ZMYND8: variants seen among roughly 807,000 people sequenced by gnomAD.
ZMYND8 encodes zinc finger MYND-type containing 8, also known as MYND-type zinc finger-containing chromatin reader ZMYND8.
ZMYND8 carries 37 observed loss-of-function variants against 140.8 expected under a neutral mutation model. The ratio of observed to expected loss-of-function variants is 0.26; its 90% CI spans 0.20 to 0.35. The LOEUF is 0.35. ZMYND8 is among the 10% of genes least tolerant of loss of function. The probability of loss-of-function intolerance (pLI) is 1.00; values close to 1 mark genes in which losing one functional copy is unlikely to be tolerated. For missense variants in ZMYND8, 1,068 were observed against 1,570.0 expected, an observed-to-expected ratio of 0.68 and a Z score of 5.40; for synonymous variants, 592 against 597.1, an observed-to-expected ratio of 0.99 and a Z score of 0.12.
At chr20:47,236,742 G>A (rs1300676885) in intron 15 of ZMYND8, among the ~76,000 whole-genome samples, 1 of 152,092 alleles carries the variant, frequency 6.6e-6, no homozygotes, top group Non-Finnish European at 1.5e-5. Flanking sequence ...GCTCAAGAGT[G>A]CATGCTAGGA....
At chr20:47,250,194 C>T (rs556872287) in intron 12 of ZMYND8, among the ~76,000 whole-genome samples, 117 of 152,284 alleles carry the variant, frequency 7.7e-4, no homozygotes, top group African/African-American at 2.7e-3. Context: ...CTCACTTCTT[C>T]GAGGGCTCTT....
At chr20:47,225,424 G>A (rs1485489453) in intron 18 of ZMYND8, among the ~76,000 whole-genome samples, 8 of 150,820 alleles carry the variant, frequency 5.3e-5, no homozygotes, top group Non-Finnish European at 8.8e-5. Context: ...AGCTAGGCGC[G>A]ATGGTGTAAT....
In ZMYND8 at chr20:47,221,513, A is replaced by G. The variant is rs754664095; in HGVS notation, c.3257-39T>C. On this transcript the variant is annotated intron_variant, in intron 19 of 22. Transcript: ENST00000471951. Reference sequence around the variant, plus strand: ...AGAGAGAGAGACGCCACATATACACAGAGTACGATGATTTTGAAACATGCA... The same window carrying G: ...AGAGAGAGAGACGCCACATATACACGGAGTACGATGATTTTGAAACATGCA... 1.9e-6 allele frequency: 3 copies of G among 1,601,764 alleles called. No individual in the cohort carries two copies. The South Asian group carries it at 3.3e-5, about 18-fold the overall frequency.
chr20:47,309,016 C>T (rs1569161116), intron 3 of ZMYND8, among the ~76,000 whole-genome samples: 1 of 152,156 alleles, frequency 6.6e-6, no homozygotes, highest in African/African-American at 2.4e-5. Context: ...CTATGAGATC[C>T]GACCTCATAG....
At position 47,221,321 on chromosome 20, in the gene ZMYND8, C is replaced by A. The variant is rs745460422; in HGVS notation, c.3410G>T (p.Ser1137Ile). ...KETSAEKSKE[S>I]GSTLDLSGSR... ...GCATGGGGGGATCCTCACCGAGCCA[C>A]TCTCCTTGCTTTTCTCAGCTGACGT... The change falls in exon 20 of 23, where the codon AGT (serine) becomes ATT (isoleucine). Residue 1137 changes from serine to isoleucine, a missense_variant. By Grantham distance (142) the Ser-to-Ile change is moderately radical. Around this residue, in one of 10 missense-constraint regions of ZMYND8, gnomAD observed 180 missense variants for 187.8 expected, o/e 0.96. Coordinates refer to ENST00000471951, the MANE Select transcript of ZMYND8 (RefSeq NM_001281775.3). 6.2e-7 allele frequency: 1 copy of A among 1,614,126 alleles called. No individual in the cohort carries two copies. Among genetic ancestry groups the A allele is most frequent in the Non-Finnish European group, 8.5e-7 (1 of 1,180,034 alleles).
rs75896049 is a variant in ZMYND8, at chr20:47,310,424, T to C, written c.86-220A>G. 1.8e-4 allele frequency among the ~76,000 whole-genome samples: 27 copies of C among 152,308 alleles called. No individual in the cohort carries two copies. The East Asian group carries it at 5.2e-3, about 29-fold the overall frequency. ...TTCTTTGACCTATGTAACATTTTTG[T>C]AAAATCTTAACTTGTTGCCAAGATA... On this transcript the variant is annotated intron_variant, in intron 2 of 22. Coordinates refer to ENST00000471951, the MANE Select transcript of ZMYND8 (RefSeq NM_001281775.3).
rs141960279 is a variant in ZMYND8 at position 47,258,618 on chromosome 20, T to C, written c.1621+3670A>G. Among the ~76,000 whole-genome samples, 13 of 152,270 alleles carry C rather than the reference T, an allele frequency of 8.5e-5. No individual in the cohort carries two copies. The East Asian group carries it at 2.3e-3, about 27-fold the overall frequency. Reference sequence around the variant, plus strand: ...CCCATCTCTGTAATTCTGCCTTTTCTGATATATTTTTTAAGGAAATCCTGT... The same window carrying C: ...CCCATCTCTGTAATTCTGCCTTTTCCGATATATTTTTTAAGGAAATCCTGT... On this transcript the variant is annotated intron_variant, in intron 12 of 22. Transcript: ENST00000471951.
intron 4 of ZMYND8, among the ~76,000 whole-genome samples, chr20:47,295,013 C>T (rs777102345): frequency 3.9e-5 from 6 of 152,126 alleles, no homozygotes; most frequent in Non-Finnish European, 8.8e-5. Flanking sequence ...CTCAGGAAGA[C>T]GACATGATCT....
rs61757750 is a variant in ZMYND8 at position 47,224,418 on chromosome 20, T to C, written c.3155A>G (p.Lys1052Arg). Reference sequence around the variant, plus strand: ...ACAGCAGTAAAAGATGGCCTCCTTCTTGCAGTTGGCGCACCACTGCTTCTT... The same window carrying C: ...ACAGCAGTAAAAGATGGCCTCCTTCCTGCAGTTGGCGCACCACTGCTTCTT... ...TKKKQWCANC[K>R]KEAIFYCCWN... Residue 1052 changes from lysine to arginine, a missense_variant, in exon 19 of 23, where the codon AAG becomes AGG. By Grantham distance (26) the Lys-to-Arg change is conservative. Transcript: ENST00000471951. The C allele has an allele frequency of 7.2e-5, 117 of 1,614,270 alleles. No individual in the cohort carries two copies. The highest frequency in any genetic ancestry group is 9.7e-5 in the Non-Finnish European group (115 of 1,180,046).
chr20:47,343,805 A>T (rs1277765654), intron 2 of ZMYND8, among the ~76,000 whole-genome samples: 1 of 151,432 alleles, frequency 6.6e-6, no homozygotes, highest in Admixed American at 6.6e-5. Context: ...CCCCCAAATA[A>T]TTTATGTCAA....
At chr20:47,284,664 A>G (rs112267658) in intron 8 of ZMYND8, among the ~76,000 whole-genome samples, 4 of 152,108 alleles carry the variant, frequency 2.6e-5, no homozygotes, top group African/African-American at 7.2e-5. Flanking sequence ...GTAGCTAATT[A>G]ATACCATGTT....
intron 19 of ZMYND8, among the ~76,000 whole-genome samples, chr20:47,223,507 AAAT>A (rs35132615): frequency 1.7e-4 from 25 of 151,308 alleles, no homozygotes; most frequent in African/African-American, 5.3e-4. Context: ...CTCTGTCTCA[AAAT>A]AATAATAATA....
chr20:47,211,476 G>A (rs2035246280), intron 22 of ZMYND8, among the ~76,000 whole-genome samples: 1 of 152,202 alleles, frequency 6.6e-6, no homozygotes, highest in Non-Finnish European at 1.5e-5. Context: ...GCTTATGGGT[G>A]ACTGAAGAAT....
intron 2 of ZMYND8, among the ~76,000 whole-genome samples, chr20:47,345,197 T>C (rs2082240048): frequency 6.6e-6 from 1 of 152,118 alleles, no homozygotes; most frequent in Non-Finnish European, 1.5e-5. Context: ...TCCTTCAGAC[T>C]CCGTGGCCAC....
intron 3 of ZMYND8, among the ~76,000 whole-genome samples, chr20:47,306,772 T>C (rs531405256): frequency 1.3e-5 from 2 of 152,042 alleles, no homozygotes; most frequent in African/African-American, 2.4e-5. Context: ...TCTGGAACAA[T>C]GGAACAAAGA....
In ZMYND8 at chr20:47,279,288, G is replaced by A. The variant is rs922743989; in HGVS notation, c.999-2493C>T. Among the ~76,000 whole-genome samples, 4 of 152,058 alleles carry A rather than the reference G, an allele frequency of 2.6e-5. No individual in the cohort carries two copies. In the South Asian group the frequency reaches 6.2e-4, roughly 24 times the overall value. ...AGCTTGAGACCAGTCTGGCCAACAC[G>A]GTGAAACCCCATCTCTACTAAAAAT... On this transcript the variant is annotated intron_variant, in intron 10 of 22. Coordinates refer to ENST00000471951, the MANE Select transcript of ZMYND8 (RefSeq NM_001281775.3).
At chr20:47,217,836 C>A (rs1600885257) in intron 21 of ZMYND8, among the ~76,000 whole-genome samples, 1 of 152,258 alleles carries the variant, frequency 6.6e-6, no homozygotes, top group East Asian at 1.9e-4. Context: ...ATTTATCTGC[C>A]TTATTCAGAA....
intron 7 of ZMYND8, 72 bp from the exon 8 acceptor site, chr20:47,287,356 G>T: frequency 7.9e-7 from 1 of 1,270,796 alleles, no homozygotes. Flanking sequence ...CTTTACTTCC[G>T]CTAACAATGT....
Position 47,220,251 on chromosome 20 carries a change from A to T in ZMYND8, c.3484+7T>A. ...AAGCACCGTTCGCCCACCAGGGGGC[A>T]ACATACCAGAGCCTTGGTTGGAGCC... On this transcript the variant is annotated splice_region_variant and intron_variant, in intron 21 of 22. Transcript: ENST00000471951. The T allele has an allele frequency of 6.4e-7, 1 of 1,558,912 alleles. No individual in the cohort carries two copies. The highest frequency in any genetic ancestry group is 8.7e-7 in the Non-Finnish European group (1 of 1,150,512).
Sources: gnomAD v4.1 joint callset for allele counts (sites outside exome capture counted in the v4.1 genomes callset) on GRCh38, gnomAD v4.1.1 for gene constraint, gnomAD v4.1.1 regional missense constraint, MANE v1.5 for transcripts, NCBI Gene and HGNC (gene_info 2026-07-23, HGNC 2026-07-21) for gene names.